SPAG16: variants seen among roughly 807,000 people sequenced by gnomAD.
SPAG16 encodes the protein sperm associated antigen 16, also known as sperm-associated antigen 16 protein.
SPAG16 carries 86 observed loss-of-function variants against 80.4 expected under a neutral mutation model. That is an observed-to-expected ratio of 1.07 (90% CI 0.90 to 1.28). SPAG16 has a LOEUF of 1.28. SPAG16 is among the 50% of genes most tolerant of loss of function. The pLI is 0.00. For synonymous variants in SPAG16, 294 were observed against 265.9 expected, an observed-to-expected ratio of 1.11 and a Z score of -1.03; for missense variants, 870 against 765.3, an observed-to-expected ratio of 1.14 and a Z score of -1.61.
intron 10 of SPAG16, among the ~76,000 whole-genome samples, chr2:213,728,460 C>T (rs6435792): frequency 0.92 from 140,782 of 152,250 alleles, 66,132 homozygotes; most frequent in East Asian, 1. Flanking sequence ...TGGGAGATGC[C>T]GTCTAAATCT....
intron 15 of SPAG16, among the ~76,000 whole-genome samples, chr2:214,404,775 A>C (rs923547824): frequency 3.3e-5 from 5 of 152,134 alleles, no homozygotes; most frequent in African/African-American, 1.2e-4. Context: ...TCTAGAAAAA[A>C]AAATAATTAG....
chr2:214,356,135 C>T (rs1189576983), intron 15 of SPAG16, among the ~76,000 whole-genome samples: 1 of 151,192 alleles, frequency 6.6e-6, no homozygotes, highest in African/African-American at 2.4e-5. Flanking sequence ...CACATGTATA[C>T]ATATGTAACT....
intron 9 of SPAG16, among the ~76,000 whole-genome samples, chr2:213,459,769 A>G (rs933495289): frequency 6.6e-6 from 1 of 152,236 alleles, no homozygotes; most frequent in Non-Finnish European, 1.5e-5. Flanking sequence ...TCTTCATTAC[A>G]TTGTTACATT....
intron 9 of SPAG16, among the ~76,000 whole-genome samples, chr2:213,393,385 A>G (rs543861482): frequency 6.6e-6 from 1 of 151,440 alleles, no homozygotes; most frequent in East Asian, 1.9e-4. Flanking sequence ...AATATAATAT[A>G]TAAATTAAAA....
intron 10 of SPAG16, among the ~76,000 whole-genome samples, chr2:213,772,706 T>A (rs577872198): frequency 6.6e-6 from 1 of 152,116 alleles, no homozygotes; most frequent in Non-Finnish European, 1.5e-5. Flanking sequence ...TTCTTTCTTA[T>A]CAAGTTTGTT....
intron 9 of SPAG16, among the ~76,000 whole-genome samples, chr2:213,475,172 CTTGGGTTAAATTCTG>C (rs1298354897): frequency 6.6e-6 from 1 of 152,108 alleles, no homozygotes; most frequent in East Asian, 1.9e-4. Context: ...AGTTCAAATA[CTTGGGTTAAATTCTG>C]GAAAGCCTCT....
intron 12 of SPAG16, among the ~76,000 whole-genome samples, chr2:213,935,029 T>G (rs1368517220): frequency 6.6e-6 from 1 of 151,878 alleles, no homozygotes; most frequent in African/African-American, 2.4e-5. Context: ...GGTGAAACCC[T>G]GTCTCTACTG....
At chr2:213,501,215 T>G (rs867700769) in intron 10 of SPAG16, among the ~76,000 whole-genome samples, 1 of 152,226 alleles carries the variant, frequency 6.6e-6, no homozygotes, top group African/African-American at 2.4e-5. Context: ...TTGACAAGTT[T>G]TATAACTTTC....
At chr2:214,197,796 A>C (rs572130971) in intron 15 of SPAG16, among the ~76,000 whole-genome samples, 1 of 151,868 alleles carries the variant, frequency 6.6e-6, no homozygotes, top group Non-Finnish European at 1.5e-5. Context: ...TGTGTTTTTT[A>C]TATGTGTTTT....
intron 15 of SPAG16, among the ~76,000 whole-genome samples, chr2:214,229,048 C>G (rs1031464676): frequency 1.3e-5 from 2 of 151,610 alleles, no homozygotes; most frequent in African/African-American, 4.8e-5. Flanking sequence ...AACTTTCATT[C>G]TTTCAACAAG....
chr2:214,221,797 T>G (rs1293161633), intron 15 of SPAG16, among the ~76,000 whole-genome samples: 1 of 152,182 alleles, frequency 6.6e-6, no homozygotes, highest in Non-Finnish European at 1.5e-5. Context: ...AGCATTTCAA[T>G]TACATGCTTG....
intron 15 of SPAG16, among the ~76,000 whole-genome samples, chr2:214,296,547 A>T (rs1181947692): frequency 1.3e-5 from 2 of 152,122 alleles, no homozygotes; most frequent in Non-Finnish European, 2.9e-5. Flanking sequence ...CCACACCAAC[A>T]TCTGTGGTTT....
At chr2:213,986,918 A>T (rs2046040741) in intron 12 of SPAG16, among the ~76,000 whole-genome samples, 1 of 145,534 alleles carries the variant, frequency 6.9e-6, no homozygotes, top group Middle Eastern at 3.3e-3. Flanking sequence ...AAAAAAAAAA[A>T]TCTAAGAAAC....
intron 15 of SPAG16, among the ~76,000 whole-genome samples, chr2:214,218,326 A>G (rs2058484789): frequency 6.6e-6 from 1 of 152,170 alleles, no homozygotes; most frequent in Non-Finnish European, 1.5e-5. Context: ...CACCCTTGAG[A>G]ATTGCTGTTC....
intron 15 of SPAG16, among the ~76,000 whole-genome samples, chr2:214,350,176 G>T (rs1395955005): frequency 6.6e-6 from 1 of 151,998 alleles, no homozygotes; most frequent in Non-Finnish European, 1.5e-5. Flanking sequence ...ACCCTGTTTT[G>T]GTTTTACTGG....
chr2:213,644,757 T>C (rs533733231), intron 10 of SPAG16, among the ~76,000 whole-genome samples: 16 of 152,326 alleles, frequency 1.1e-4, no homozygotes, highest in African/African-American at 3.8e-4. Flanking sequence ...TGGAGTAACA[T>C]AAGCACCACT....
At chr2:214,355,341 C>A (rs1183457465) in intron 15 of SPAG16, among the ~76,000 whole-genome samples, 1 of 133,174 alleles carries the variant, frequency 7.5e-6, no homozygotes, top group East Asian at 2.1e-4. Flanking sequence ...AAAAAAACAA[C>A]CCCATCAAAA....
intron 10 of SPAG16, among the ~76,000 whole-genome samples, chr2:213,627,821 T>G (rs2062013179): frequency 6.6e-6 from 1 of 152,234 alleles, no homozygotes; most frequent in South Asian, 2.1e-4. Flanking sequence ...GCATCTCTTG[T>G]GTTTACATTG....
intron 10 of SPAG16, among the ~76,000 whole-genome samples, chr2:213,770,619 C>T (rs931945444): frequency 1.3e-5 from 2 of 152,098 alleles, no homozygotes; most frequent in African/African-American, 4.8e-5. Flanking sequence ...CTTCCCCTAA[C>T]ACCCCCTTGA....
Sources: allele counts gnomAD v4.1 joint callset (sites outside exome capture counted in the v4.1 genomes callset), GRCh38; gene constraint gnomAD v4.1.1; transcripts MANE v1.5; gene names NCBI Gene and HGNC (gene_info 2026-07-23, HGNC 2026-07-21).